TTC6: variants seen among roughly 807,000 people sequenced by gnomAD.
The protein encoded by TTC6 is tetratricopeptide repeat protein 6.
Under a neutral mutation model 210.4 loss-of-function variants are expected in TTC6, and 172 were observed. The ratio of observed to expected loss-of-function variants is 0.82; its 90% CI spans 0.72 to 0.93. TTC6 has a LOEUF of 0.93. Among genes scored for constraint, TTC6 ranks in the 40% least tolerant of loss-of-function variants. The pLI is 0.00. For missense variants in TTC6, 2,414 were observed against 2,318.1 expected, an observed-to-expected ratio of 1.04 and a Z score of -0.85; for synonymous variants, 804 against 819.6, an observed-to-expected ratio of 0.98 and a Z score of 0.32.
At chr14:37,753,016 CAT>C (rs2095956873) in intron 13 of TTC6, 81 bp from the exon 16 acceptor site, 3 of 1,083,470 alleles carry the variant, frequency 2.8e-6, no homozygotes, top group African/African-American at 1.6e-5. Context: ...AAGTTAAAAA[CAT>C]AGTTTTAGAT....
At chr14:37,635,022 GAAGA>G in intron 1 of TTC6, among the ~76,000 whole-genome samples, 1 of 152,270 alleles carries the variant, frequency 6.6e-6, no homozygotes, top group South Asian at 2.1e-4. Flanking sequence ...GGAGCACTAG[GAAGA>G]AAGAACATAA....
At chr14:37,731,299 G>A (rs1251319687) in intron 7 of TTC6, among the ~76,000 whole-genome samples, 1 of 152,144 alleles carries the variant, frequency 6.6e-6, no homozygotes, top group Non-Finnish European at 1.5e-5. Flanking sequence ...TAACACATTT[G>A]TTTTCTCTGT....
At chr14:37,757,902 A>C (rs2139079904) in intron 14 of TTC6, among the ~76,000 whole-genome samples, 1 of 152,310 alleles carries the variant, frequency 6.6e-6, no homozygotes, top group African/African-American at 2.4e-5. Context: ...TTGCTTTCAA[A>C]GAACTTATTT....
In TTC6 at chr14:37,715,761, G is replaced by A. The variant is rs148985801; in HGVS notation, c.1713+965G>A. ...CTACATCCAGAAAAATATCCTTTAG[G>A]AATAAAGGAATCAAGACATTCTCAG... On this transcript the variant is annotated intron_variant, in intron 6 of 30. Transcript: ENST00000553443. 6.2e-4 allele frequency among the ~76,000 whole-genome samples: 94 copies of A among 152,140 alleles called. No homozygotes were observed. In the East Asian group the frequency reaches 0.018, roughly 29 times the overall value.
intron 15 of TTC6, among the ~76,000 whole-genome samples, chr14:37,789,364 A>C (rs939808783): frequency 1.3e-5 from 2 of 151,772 alleles, no homozygotes; most frequent in Admixed American, 6.6e-5. Context: ...TGTTAAGAGC[A>C]GCCACCCAAA....
intron 5 of TTC6, among the ~76,000 whole-genome samples, chr14:37,713,639 G>C (rs1325332331): frequency 6.6e-6 from 1 of 152,188 alleles, no homozygotes; most frequent in Non-Finnish European, 1.5e-5. Flanking sequence ...GCTGGGAGTA[G>C]AGTTTTAACC....
At chr14:37,681,434 T>G (rs1030610712) in intron 2 of TTC6, among the ~76,000 whole-genome samples, 2 of 152,192 alleles carry the variant, frequency 1.3e-5, no homozygotes, top group Non-Finnish European at 2.9e-5. Flanking sequence ...AGATATCGTC[T>G]TGATTATTTA....
chr14:37,610,237 C>G (rs1351176279), intron 2 of TTC6, among the ~76,000 whole-genome samples: 3 of 152,186 alleles, frequency 2.0e-5, no homozygotes, highest in Non-Finnish European at 4.4e-5. Context: ...AGGCCCCGCT[C>G]TAGGGAACTG....
chr14:37,604,686 T>A (rs574332709), intron 1 of TTC6, among the ~76,000 whole-genome samples: 6 of 152,006 alleles, frequency 3.9e-5, no homozygotes, highest in Admixed American at 2.0e-4. Context: ...AGAGGGGAGA[T>A]GAGGAAGAGG....
chr14:37,799,619 C>G (rs2096101299), intron 20 of TTC6, among the ~76,000 whole-genome samples: 1 of 152,100 alleles, frequency 6.6e-6, no homozygotes, highest in African/African-American at 2.4e-5. Context: ...AAATTCCCTT[C>G]CTGGCCTTAA....
chr14:37,692,013 G>A (rs574016832), intron 3 of TTC6, among the ~76,000 whole-genome samples: 5 of 151,684 alleles, frequency 3.3e-5, no homozygotes, highest in African/African-American at 1.2e-4. Flanking sequence ...CCCATAACAG[G>A]TAACAAGATC....
intron 10 of TTC6, among the ~76,000 whole-genome samples, chr14:37,746,599 C>T (rs1290286382): frequency 6.6e-6 from 1 of 152,112 alleles, no homozygotes; most frequent in East Asian, 1.9e-4. Flanking sequence ...GGTGTTCTGG[C>T]TAAGGCTGTG....
chr14:37,663,719 T>C (rs936725349), intron 1 of TTC6, among the ~76,000 whole-genome samples: 1 of 151,890 alleles, frequency 6.6e-6, no homozygotes, highest in African/African-American at 2.4e-5. Flanking sequence ...GATGAGGAGG[T>C]CATGTTCCCA....
intron 10 of TTC6, among the ~76,000 whole-genome samples, 192 bp from the exon 13 acceptor site, chr14:37,748,747 T>A (rs1425749842): frequency 6.6e-6 from 1 of 152,202 alleles, no homozygotes; most frequent in Non-Finnish European, 1.5e-5. Flanking sequence ...TCTTTTGCTT[T>A]CATAAACTTG....
At chr14:37,609,814 T>G (rs2139244658) in intron 2 of TTC6, among the ~76,000 whole-genome samples, 1 of 152,324 alleles carries the variant, frequency 6.6e-6, no homozygotes, top group Middle Eastern at 3.4e-3. Flanking sequence ...GCTATTTGTT[T>G]ATTATTTTAA....
intron 1 of TTC6, among the ~76,000 whole-genome samples, chr14:37,665,731 A>T (rs1019656795): frequency 6.6e-6 from 1 of 150,654 alleles, no homozygotes. Context: ...TGTGAGAAGA[A>T]CACAAGCAAG....
chr14:37,602,830 A>G (rs977187266), intron 1 of TTC6, among the ~76,000 whole-genome samples: 2 of 152,016 alleles, frequency 1.3e-5, no homozygotes, highest in African/African-American at 4.8e-5. Context: ...TCTGGTGTAG[A>G]TTTGTTTTCT....
chr14:37,642,358 A>G (rs2095693505), intron 1 of TTC6, among the ~76,000 whole-genome samples: 1 of 152,212 alleles, frequency 6.6e-6, no homozygotes, highest in African/African-American at 2.4e-5. Flanking sequence ...CAGGTGGGAC[A>G]ATCCGCAGGT....
intron 4 of TTC6, among the ~76,000 whole-genome samples, chr14:37,700,511 G>A (rs952061690): frequency 1.3e-5 from 2 of 152,034 alleles, no homozygotes; most frequent in Non-Finnish European, 2.9e-5. Flanking sequence ...GGGAGGCCAA[G>A]GCAGGCAGAT....
Sources: gnomAD v4.1 joint callset for allele counts (sites outside exome capture counted in the v4.1 genomes callset) on GRCh38, gnomAD v4.1.1 for gene constraint, MANE v1.5 for transcripts, NCBI Gene and HGNC (gene_info 2026-07-23, HGNC 2026-07-21) for gene names.